TANC2: variants seen among roughly 807,000 people sequenced by gnomAD.
TANC2 encodes tetratricopeptide repeat, ankyrin repeat and coiled-coil containing 2.
Under a neutral mutation model 210.5 loss-of-function variants are expected in TANC2, and 26 were observed. The ratio of observed to expected loss-of-function variants is 0.12; its 90% CI spans 0.09 to 0.17. The LOEUF (loss-of-function observed/expected upper bound fraction) is 0.17. Among genes scored for constraint, TANC2 ranks in the 10% least tolerant of loss-of-function variants. The probability of loss-of-function intolerance (pLI) is 1.00; values close to 1 mark genes in which losing one functional copy is unlikely to be tolerated. For synonymous variants in TANC2, 931 were observed against 967.1 expected (o/e 0.96, Z 0.69); for missense variants, 2,129 against 2,608.9 (o/e 0.82, Z 4.01).
At chr17:63,426,639 T>C (rs2049151553) in exon 28 of TANC2, 1 of 152,190 alleles carries the variant, frequency 6.6e-6, no homozygotes, top group Admixed American at 6.5e-5. Flanking sequence ...AAAAATCAAG[T>C]GTTACTTTCA....
intron 1 of TANC2, among the ~76,000 whole-genome samples, chr17:62,980,298 G>T (rs1480431890): frequency 6.6e-6 from 1 of 152,106 alleles, no homozygotes; most frequent in East Asian, 1.9e-4. Context: ...CACTACTCCA[G>T]TCATGTAGTT....
chr17:63,266,641 T>C (rs2043537416), intron 8 of TANC2, among the ~76,000 whole-genome samples: 1 of 152,094 alleles, frequency 6.6e-6, no homozygotes, highest in Non-Finnish European at 1.5e-5. Context: ...TGATTAAAAT[T>C]TTGGATTATA....
At chr17:63,000,468 A>G (rs1300977814) in intron 1 of TANC2, among the ~76,000 whole-genome samples, 2 of 152,248 alleles carry the variant, frequency 1.3e-5, no homozygotes, top group Admixed American at 6.5e-5. Context: ...AGAAGAAGAC[A>G]TTGAAATAGG....
chr17:63,234,600 C>G (rs981876379), intron 7 of TANC2, among the ~76,000 whole-genome samples: 4 of 151,942 alleles, frequency 2.6e-5, no homozygotes, highest in Admixed American at 6.6e-5. Flanking sequence ...TTTATCTCTC[C>G]TATCATCATG....
intron 8 of TANC2, among the ~76,000 whole-genome samples, chr17:63,242,968 G>A (rs183871813): frequency 2.0e-5 from 3 of 152,222 alleles, no homozygotes; most frequent in East Asian, 1.9e-4. Flanking sequence ...GTTATACTGC[G>A]ACCATCTACA....
Position 63,379,858 on chromosome 17 carries a change from C to T in TANC2, c.2691+32C>T, listed in dbSNP as rs983708389. On this transcript the variant is annotated intron_variant, in intron 15 of 27. Coordinates refer to ENST00000689528, the Ensembl canonical transcript of TANC2. ...AAAGCAGTTGGAACCATTTTTCCGC[C>T]ATCTCTAGCAGACTTTCATATGCTT... The T allele has an allele frequency of 2.6e-6, 4 of 1,542,952 alleles. No homozygotes were observed. In the African/African-American group the frequency reaches 5.5e-5, roughly 21 times the overall value.
chr17:63,228,914 C>A (rs2042397145), intron 7 of TANC2, among the ~76,000 whole-genome samples: 2 of 152,134 alleles, frequency 1.3e-5, no homozygotes, highest in African/African-American at 4.8e-5. Context: ...TTTGAATATG[C>A]TTTATTTCTT....
At chr17:63,069,294 G>T (rs1231736300) in intron 2 of TANC2, among the ~76,000 whole-genome samples, 1 of 152,090 alleles carries the variant, frequency 6.6e-6, no homozygotes, top group African/African-American at 2.4e-5. Flanking sequence ...CTTTGTGGTG[G>T]TAGGCAGTCC....
At chr17:63,094,308 C>T (rs2037309601) in intron 3 of TANC2, among the ~76,000 whole-genome samples, 3 of 152,054 alleles carry the variant, frequency 2.0e-5, no homozygotes, top group African/African-American at 7.2e-5. Flanking sequence ...ATGATACGAG[C>T]TCTGAGTTAA....
At chr17:63,292,572 A>G (rs2044414523) in intron 9 of TANC2, among the ~76,000 whole-genome samples, 1 of 152,228 alleles carries the variant, frequency 6.6e-6, no homozygotes, top group Admixed American at 6.5e-5. Flanking sequence ...GTTCTTTCCA[A>G]ACTTTGGGTG....
chr17:63,361,151 G>A (rs891978951), intron 14 of TANC2, among the ~76,000 whole-genome samples: 3 of 152,172 alleles, frequency 2.0e-5, no homozygotes, highest in African/African-American at 7.2e-5. Context: ...TTTCTTTTGG[G>A]TATATACATA....
chr17:63,421,762 C>G lies in TANC2; in HGVS notation c.6032C>G (p.Ala2011Gly), dbSNP rs1325961295. Residue 2011 changes from alanine (A) to glycine (G), a missense_variant, in exon 28 of 28, where the codon GCT (alanine) becomes GGT (glycine). By Grantham distance (60) the Ala-to-Gly change is moderately conservative. This residue lies in a region of TANC2 where 161 missense variants were observed against 178.6 expected (regional missense o/e 0.90). Coordinates refer to ENST00000689528, the Ensembl canonical transcript of TANC2. The surrounding 1 kb of genome is among the most constrained non-coding windows in gnomAD (Gnocchi z 6.9). Reference sequence around the variant, plus strand: ...TATTACAGCCCCCATGGGATGCTGGCTAACGGGTCTCGTGGAGACCTCTTG... The same window carrying G: ...TATTACAGCCCCCATGGGATGCTGGGTAACGGGTCTCGTGGAGACCTCTTG... 1.2e-6 allele frequency: 2 copies of G among 1,614,044 alleles called. No homozygotes were observed. Among genetic ancestry groups the G allele is most frequent in the Non-Finnish European group, 1.7e-6 (2 of 1,179,886 alleles).
chr17:63,209,997 T>C (rs2041836764), intron 7 of TANC2, among the ~76,000 whole-genome samples: 2 of 152,248 alleles, frequency 1.3e-5, no homozygotes, highest in East Asian at 1.9e-4. Flanking sequence ...CGTGTAGTTA[T>C]GATACATTTT....
intron 12 of TANC2, among the ~76,000 whole-genome samples, chr17:63,343,733 A>G (rs2046312518): frequency 6.6e-6 from 1 of 152,002 alleles, no homozygotes; most frequent in Non-Finnish European, 1.5e-5. Flanking sequence ...GCAAGTACCC[A>G]TCTCAACAAC....
chr17:63,015,007 A>G (rs1411192488), intron 2 of TANC2, among the ~76,000 whole-genome samples: 1 of 152,132 alleles, frequency 6.6e-6, no homozygotes, highest in Admixed American at 6.5e-5. Context: ...GAAAGATATC[A>G]TTAGTGTTTT....
chr17:63,172,997 G>T lies in TANC2; in HGVS notation c.434-20994G>T, dbSNP rs182621170. 2.0e-3 allele frequency among the ~76,000 whole-genome samples: 303 copies of T among 152,222 alleles called. 7 individuals are homozygous for T. The highest frequency in any genetic ancestry group is 0.02 in the Admixed American group (301 of 15,296). Reference sequence around the variant, plus strand: ...CCATGGAAGGGAGGCTACATACAAGGTAAATGCGAATGGCATATCAGAAGG... The same window carrying T: ...CCATGGAAGGGAGGCTACATACAAGTTAAATGCGAATGGCATATCAGAAGG... On this transcript the variant is annotated intron_variant, in intron 5 of 27. Coordinates refer to ENST00000689528, the Ensembl canonical transcript of TANC2.
intron 8 of TANC2, among the ~76,000 whole-genome samples, chr17:63,255,166 A>G (rs1196667404): frequency 1.3e-5 from 2 of 151,524 alleles, no homozygotes; most frequent in Non-Finnish European, 2.9e-5. Flanking sequence ...GTGCAGTGGC[A>G]CTATCTCGGC....
intron 2 of TANC2, among the ~76,000 whole-genome samples, chr17:63,020,515 G>A (rs898509221): frequency 2.6e-5 from 4 of 152,066 alleles, no homozygotes; most frequent in African/African-American, 7.2e-5. Context: ...ATGTTGCCCA[G>A]GCAGAAGTTT....
At chr17:63,051,523 A>G (rs1312298577) in intron 2 of TANC2, among the ~76,000 whole-genome samples, 2 of 152,142 alleles carry the variant, frequency 1.3e-5, no homozygotes, top group African/African-American at 4.8e-5. Context: ...TGTGGATCTC[A>G]CTTTTGGCTG....
Sources: gnomAD v4.1 joint callset for allele counts (sites outside exome capture counted in the v4.1 genomes callset) on GRCh38, gnomAD v4.1.1 for gene constraint, gnomAD v4.1.1 regional missense constraint, Gnocchi (gnomAD v3.1) non-coding constraint, MANE v1.5 for transcripts, NCBI Gene and HGNC (gene_info 2026-07-23, HGNC 2026-07-21) for gene names.